The following MID1 variants were observed in gnomAD, a reference collection of about 807,000 sequenced individuals.
MID1 encodes midline 1.
In MID1, 7 loss-of-function variants were observed where a neutral mutation model predicts 40.4. The ratio of observed to expected loss-of-function variants is 0.17; its 90% CI spans 0.10 to 0.33. The LOEUF is 0.33. Ranked by LOEUF, MID1 falls within the 10% of genes least tolerant of loss-of-function variation. The pLI, the probability that MID1 is intolerant of heterozygous loss-of-function variation, is 1.00. For synonymous variants in MID1, 229 were observed against 221.2 expected (o/e 1.04, Z -0.31); for missense variants, 367 against 558.5 (o/e 0.66, Z 3.46).
At chrX:10,693,187 T>C (rs1207400097) in intron 1 of MID1, among the ~76,000 whole-genome samples, 1 of 108,121 alleles carries the variant, frequency 9.2e-6, no homozygotes, top group South Asian at 3.9e-4. Context: ...ATTTAAGGTG[T>C]TTTAACTTTT....
At chrX:10,635,170 CAATTTCATT>C (rs1936095912) in intron 1 of MID1, among the ~76,000 whole-genome samples, 2 of 112,420 alleles carry the variant, frequency 1.8e-5, no homozygotes, top group South Asian at 7.4e-4. Flanking sequence ...AGAGATCTAG[CAATTTCATT>C]GTCATTCCAT....
chrX:10,563,848 G>A (rs5979325), intron 2 of MID1, among the ~76,000 whole-genome samples: 1 of 112,064 alleles, frequency 8.9e-6, no homozygotes, highest in South Asian at 3.6e-4. Flanking sequence ...CTTAGAAAAA[G>A]ATTGTAATGT....
chrX:10,644,045 A>G (rs984754345), intron 1 of MID1, among the ~76,000 whole-genome samples: 1 of 111,233 alleles, frequency 9.0e-6, no homozygotes, highest in African/African-American at 3.3e-5. Flanking sequence ...TAGGAGATAT[A>G]CCTTATGTAA....
At chrX:10,483,724 A>C (rs1175394953) in intron 4 of MID1, among the ~76,000 whole-genome samples, 1 of 112,408 alleles carries the variant, frequency 8.9e-6, no homozygotes, top group East Asian at 2.8e-4. Context: ...GCTAATTCCA[A>C]GAAATTCTTT....
intron 2 of MID1, among the ~76,000 whole-genome samples, chrX:10,540,880 G>A (rs983561899): frequency 3.0e-4 from 34 of 112,288 alleles, no homozygotes; most frequent in African/African-American, 1.1e-3. Flanking sequence ...GAAATGGGCA[G>A]GTAGATGGGT....
rs1928902654 is a variant in MID1 at position 10,459,626 on chromosome X, G to A, written c.1447+20C>T. The A allele has an allele frequency of 2.5e-6, 3 of 1,205,712 alleles. No individual in the cohort carries two copies. In the African/African-American group the frequency reaches 5.2e-5, roughly 21 times the overall value. ...AGAGCAGATAAGACATGACAGCTCT[G>A]TTGAGTTCACAGCACTTACTGTTTG... On this transcript the variant is annotated intron_variant, in intron 8 of 9. Transcript: ENST00000317552.
intron 1 of MID1, among the ~76,000 whole-genome samples, chrX:10,765,470 C>T (rs1381311903): frequency 8.9e-6 from 1 of 112,510 alleles, no homozygotes; most frequent in Non-Finnish European, 1.9e-5. Context: ...TATCATGTAG[C>T]ATGCGATTGA....
intron 1 of MID1, among the ~76,000 whole-genome samples, chrX:10,599,499 C>T (rs1317370426): frequency 8.9e-6 from 1 of 112,160 alleles, no homozygotes; most frequent in Non-Finnish European, 1.9e-5. Context: ...TGATGATATG[C>T]CATGATCATA....
Position 10,747,574 on chromosome X carries a change from A to C in MID1, c.-187+85980T>G, listed in dbSNP as rs138361601. Among the ~76,000 whole-genome samples, 336 of 112,453 alleles carry C rather than the reference A, an allele frequency of 3.0e-3. 1 individual carries two copies. The highest frequency in any genetic ancestry group is 0.01 in the African/African-American group (316 of 31,030). The stretch of plus-strand genomic sequence containing the variant: ...GTTTGACTATTTGAGACAGTCATGA[A>C]AACTTTCTTAGGTCTTTTTGTGATC... On this transcript the variant is annotated intron_variant, in intron 1 of 10. Transcript: ENST00000380785.
At chrX:10,770,891 G>A (rs889428861) in intron 1 of MID1, among the ~76,000 whole-genome samples, 3 of 110,728 alleles carry the variant, frequency 2.7e-5, no homozygotes, top group African/African-American at 3.3e-5. Flanking sequence ...GGATCACGAG[G>A]TCAGGAGGTC....
At chrX:10,522,380 T>C (rs1430894815) in intron 3 of MID1, among the ~76,000 whole-genome samples, 2 of 112,485 alleles carry the variant, frequency 1.8e-5, no homozygotes, top group Non-Finnish European at 3.8e-5. Flanking sequence ...GTAGGGAGCA[T>C]GGCCCTGCCA....
chrX:10,451,202 A>G (rs1928315535), intron 9 of MID1, among the ~76,000 whole-genome samples: 1 of 111,795 alleles, frequency 8.9e-6, no homozygotes, highest in Admixed American at 9.5e-5. Context: ...TCTCCTGCTT[A>G]TGAGGAGAAT....
At chrX:10,750,209 T>G (rs1053377128) in intron 1 of MID1, among the ~76,000 whole-genome samples, 2 of 111,729 alleles carry the variant, frequency 1.8e-5, no homozygotes, top group African/African-American at 6.5e-5. Context: ...TTCAGCCTCC[T>G]GAGTGGTCAC....
At chrX:10,522,792 G>A (rs927306933) in intron 3 of MID1, among the ~76,000 whole-genome samples, 19 of 111,807 alleles carry the variant, frequency 1.7e-4, no homozygotes, top group African/African-American at 5.5e-4. Flanking sequence ...CACCACGCCC[G>A]GCCTACAATA....
At chrX:10,689,010 G>T (rs1041598665) in intron 1 of MID1, among the ~76,000 whole-genome samples, 2 of 109,425 alleles carry the variant, frequency 1.8e-5, no homozygotes, top group African/African-American at 6.7e-5. Context: ...GATCTAGCAG[G>T]ATACAGAGCT....
chrX:10,581,047 G>A (rs949153790), intron 1 of MID1, among the ~76,000 whole-genome samples: 2 of 109,827 alleles, frequency 1.8e-5, no homozygotes, highest in African/African-American at 3.3e-5. Context: ...TCAGGAGTTC[G>A]AGACCAGCCT....
At position 10,558,767 on chromosome X, in the gene MID1, T is replaced by C. The variant is rs142409069; in HGVS notation, c.660+8121A>G. On this transcript the variant is annotated intron_variant, in intron 2 of 9. Coordinates refer to ENST00000317552, the MANE Select transcript of MID1 (RefSeq NM_000381.4). ...CAATTTTCTGTGAAAGTAAGTACTA[T>C]ACATTAGCCCTGTTTTATAGACGAG... Among the ~76,000 whole-genome samples the C allele has an allele frequency of 6.3e-3, 710 of 112,872 alleles. 6 individuals are homozygous for C. Among genetic ancestry groups the C allele is most frequent in the African/African-American group, 0.022 (671 of 31,137 alleles).
chrX:10,795,022 T>C (rs2043958575), intron 1 of MID1, among the ~76,000 whole-genome samples: 1 of 111,768 alleles, frequency 8.9e-6, no homozygotes, highest in Admixed American at 9.5e-5. Context: ...GCCTAGGCAC[T>C]ATTCTCATAT....
In MID1 at chrX:10,763,136, G is replaced by GTT. The variant is rs760872479; in HGVS notation, c.-187+70416_-187+70417dup. Among the ~76,000 whole-genome samples, 190 of 94,738 alleles carry GTT rather than the reference G, an allele frequency of 2.0e-3. 1 individual carries two copies. The highest frequency in any genetic ancestry group is 6.4e-3 in the African/African-American group (169 of 26,377). 82.3% of individuals were successfully genotyped at this position (94,738 alleles called of 115,157 possible). A position where few individuals can be genotyped will look rare whatever the true frequency, so the allele number is the denominator to read the frequency against. On this transcript the variant is annotated intron_variant, in intron 1 of 10. Transcript: ENST00000380785. ...ATATGTATAGAAATTTACATGGCTG[G>GTT]TTTTTTTTTTTTTGCCCTTTTTATT...
Sources: gnomAD v4.1 joint callset for allele counts (sites outside exome capture counted in the v4.1 genomes callset) on GRCh38, gnomAD v4.1.1 for gene constraint, MANE v1.5 for transcripts, NCBI Gene and HGNC (gene_info 2026-07-23, HGNC 2026-07-21) for gene names.